BACH2: variants seen among roughly 807,000 people sequenced by gnomAD.
BACH2 encodes the protein transcription regulator protein BACH2.
BACH2 carries 5 observed loss-of-function variants against 61.8 expected under a neutral mutation model. That is an observed-to-expected ratio of 0.08 (90% CI 0.04 to 0.17). The LOEUF is 0.17. BACH2 is among the 10% of genes least tolerant of loss of function. The pLI is 1.00. For missense variants in BACH2, 824 were observed against 1,091.1 expected (o/e 0.76, Z 3.45); for synonymous variants, 446 against 440.1 (o/e 1.01, Z -0.17).
chr6:89,937,631 G>A (rs1426169380), intron 8 of BACH2, among the ~76,000 whole-genome samples: 1 of 152,188 alleles, frequency 6.6e-6, no homozygotes, highest in African/African-American at 2.4e-5. Context: ...CCCTGCTCAA[G>A]TGATTATCCT....
At chr6:89,940,255 C>T (rs539068807) in intron 7 of BACH2, among the ~76,000 whole-genome samples, 5 of 152,130 alleles carry the variant, frequency 3.3e-5, no homozygotes, top group Non-Finnish European at 5.9e-5. Context: ...AGTGATCCGC[C>T]CGCCTTGGCC....
At chr6:90,277,404 G>A (rs1771727862) in intron 1 of BACH2, among the ~76,000 whole-genome samples, 1 of 152,132 alleles carries the variant, frequency 6.6e-6, no homozygotes, top group Non-Finnish European at 1.5e-5. Context: ...AGTACATTCT[G>A]TATCTCCATT....
intron 4 of BACH2, among the ~76,000 whole-genome samples, chr6:90,177,667 T>C (rs185158605): frequency 1.3e-5 from 2 of 152,154 alleles, no homozygotes; most frequent in African/African-American, 2.4e-5. Context: ...GTGAAGCTTA[T>C]GCAGAATGCT....
chr6:90,033,352 A>T (rs1043132711), intron 5 of BACH2, among the ~76,000 whole-genome samples: 53 of 108,622 alleles, frequency 4.9e-4, no homozygotes, highest in African/African-American at 1.8e-3. Context: ...AAACTTAAAT[A>T]AAAAAAAAAA....
intron 4 of BACH2, among the ~76,000 whole-genome samples, chr6:90,100,398 G>C (rs970840409): frequency 1.3e-5 from 2 of 152,132 alleles, no homozygotes; most frequent in Non-Finnish European, 2.9e-5. Context: ...CGTTACAAAG[G>C]TGTTTTTTAG....
Position 89,929,667 on chromosome 6 carries a change from GAAAT to G in BACH2, c.*2737_*2740del. The G allele has an allele frequency of 6.6e-6, 1 of 152,414 alleles. No homozygotes were observed. The highest frequency in any genetic ancestry group is 2.1e-4 in the South Asian group (1 of 4,822). 9.4% of individuals were successfully genotyped at this position (152,414 alleles called of 1,614,324 possible). A position where few individuals can be genotyped will look rare whatever the true frequency, so the allele number is the denominator to read the frequency against. On this transcript the variant is annotated 3_prime_UTR_variant, in exon 9 of 9. Coordinates refer to ENST00000257749, the MANE Select transcript of BACH2 (RefSeq NM_021813.4). ...GGTGAGGTCTGAGTTAGGGTGGAGA[GAAAT>G]AAAGAGGCCCCGCCCCTGCTAGAAA...
intron 6 of BACH2, among the ~76,000 whole-genome samples, chr6:89,967,597 C>T (rs1775112271): frequency 6.6e-6 from 1 of 152,124 alleles, no homozygotes; most frequent in Admixed American, 6.5e-5. Context: ...TGGCACCTTC[C>T]CAGAGAAGCG....
chr6:90,102,831 AAT>A (rs1782711631), intron 4 of BACH2, among the ~76,000 whole-genome samples: 1 of 140,676 alleles, frequency 7.1e-6, no homozygotes, highest in South Asian at 2.2e-4. Context: ...TAATAATAAT[AAT>A]AATAATAAAA....
At chr6:89,937,949 G>T (rs574357262) in intron 8 of BACH2, among the ~76,000 whole-genome samples, 195 bp downstream of exon 8, 1 of 151,634 alleles carries the variant, frequency 6.6e-6, no homozygotes, top group Non-Finnish European at 1.5e-5. Flanking sequence ...ATGCATGCGC[G>T]TGCAGACACA....
At chr6:90,269,545 T>C (rs2127880402) in intron 2 of BACH2, among the ~76,000 whole-genome samples, 1 of 152,312 alleles carries the variant, frequency 6.6e-6, no homozygotes, top group African/African-American at 2.4e-5. Flanking sequence ...CTCACAGCTG[T>C]GACACTGAAA....
At chr6:90,248,173 T>C (rs1284419175) in intron 3 of BACH2, among the ~76,000 whole-genome samples, 3 of 152,194 alleles carry the variant, frequency 2.0e-5, no homozygotes, top group Admixed American at 6.5e-5. Flanking sequence ...CAGCACATCA[T>C]AGTGCACTGT....
intron 1 of BACH2, among the ~76,000 whole-genome samples, chr6:90,289,404 G>T (rs1429366065): frequency 6.6e-6 from 1 of 152,152 alleles, no homozygotes; most frequent in African/African-American, 2.4e-5. Flanking sequence ...AGCACACAGA[G>T]GAAGCTCTCA....
At chr6:90,126,416 G>A (rs1783853324) in intron 4 of BACH2, among the ~76,000 whole-genome samples, 1 of 152,194 alleles carries the variant, frequency 6.6e-6, no homozygotes, top group Admixed American at 6.5e-5. Context: ...GGGCAGAAGA[G>A]AAAGCTTTGG....
At chr6:90,086,782 C>A (rs754463717) in intron 5 of BACH2, among the ~76,000 whole-genome samples, 1 of 151,848 alleles carries the variant, frequency 6.6e-6, no homozygotes, top group African/African-American at 2.4e-5. Flanking sequence ...CAGGAGAGGG[C>A]GCTAAGGGGC....
chr6:89,974,615 G>A (rs1398430312), intron 6 of BACH2, among the ~76,000 whole-genome samples: 1 of 152,116 alleles, frequency 6.6e-6, no homozygotes, highest in Non-Finnish European at 1.5e-5. Flanking sequence ...CCAATTAAAG[G>A]GCACCAAGTC....
chr6:90,142,158 C>A (rs1020849905), intron 4 of BACH2, among the ~76,000 whole-genome samples: 2 of 152,180 alleles, frequency 1.3e-5, no homozygotes, highest in Non-Finnish European at 2.9e-5. Flanking sequence ...TCTTTCGAGT[C>A]ATCTAACACC....
chr6:90,164,479 G>A (rs1767535092), intron 4 of BACH2, among the ~76,000 whole-genome samples: 1 of 151,564 alleles, frequency 6.6e-6, no homozygotes, highest in African/African-American at 2.4e-5. Context: ...AATTCTACCA[G>A]AGGTACAAGG....
At chr6:90,198,900 G>T (rs1047332302) in intron 4 of BACH2, among the ~76,000 whole-genome samples, 1 of 152,146 alleles carries the variant, frequency 6.6e-6, no homozygotes. Context: ...AATCATGGGG[G>T]TGGGTCTTTC....
intron 2 of BACH2, among the ~76,000 whole-genome samples, chr6:90,256,177 C>T (rs1770972680): frequency 6.6e-6 from 1 of 152,134 alleles, no homozygotes; most frequent in African/African-American, 2.4e-5. Flanking sequence ...TAGCTGTGTC[C>T]TCCCACTTCC....
Sources: allele counts gnomAD v4.1 joint callset (sites outside exome capture counted in the v4.1 genomes callset), GRCh38; gene constraint gnomAD v4.1.1; transcripts MANE v1.5; gene names NCBI Gene and HGNC (gene_info 2026-07-23, HGNC 2026-07-21).